Variants in CNTN5 observed in about 807,000 individuals in gnomAD.
CNTN5 encodes the protein contactin 5.
Under a neutral mutation model 129.1 loss-of-function variants are expected in CNTN5, and 77 were observed. The observed-to-expected ratio is 0.60, with a 90% CI of 0.50 to 0.72. The LOEUF is 0.72. CNTN5 is among the 30% of genes least tolerant of loss of function. CNTN5 has a pLI of 0.00. For synonymous variants in CNTN5, 509 were observed against 465.6 expected (o/e 1.09, Z -1.20); for missense variants, 1,478 against 1,328.8 (o/e 1.11, Z -1.75).
chr11:100,142,079 G>A (rs1946713289), intron 13 of CNTN5, among the ~76,000 whole-genome samples: 1 of 152,088 alleles, frequency 6.6e-6, no homozygotes, highest in African/African-American at 2.4e-5. Flanking sequence ...AGAACGCCAG[G>A]CTCTCTGGCC....
intron 2 of CNTN5, among the ~76,000 whole-genome samples, chr11:99,425,985 T>A (rs1943103061): frequency 6.6e-6 from 1 of 152,248 alleles, no homozygotes; most frequent in African/African-American, 2.4e-5. Flanking sequence ...CAATCTAACA[T>A]AATTATAATT....
intron 9 of CNTN5, among the ~76,000 whole-genome samples, chr11:100,016,877 T>C (rs541519108): frequency 1.3e-4 from 19 of 151,552 alleles, no homozygotes; most frequent in African/African-American, 4.6e-4. Flanking sequence ...CGGTCACTGG[T>C]TTTGTTGGTA....
chr11:100,053,824 G>A (rs909875401), intron 9 of CNTN5, among the ~76,000 whole-genome samples: 8 of 151,814 alleles, frequency 5.3e-5, no homozygotes, highest in South Asian at 2.1e-4. Flanking sequence ...GTCAGCAGGC[G>A]TCTGGATAAA....
Position 100,175,808 on chromosome 11 carries a change from G to A in CNTN5, c.1581-15318G>A, listed in dbSNP as rs191758320. Reference sequence around the variant, plus strand: ...TGAAACAAAGTTGGGAAGAAAAGTAGTATGATGTCTGACACATGAGGTGAT... The same window carrying A: ...TGAAACAAAGTTGGGAAGAAAAGTAATATGATGTCTGACACATGAGGTGAT... On this transcript the variant is annotated intron_variant, in intron 13 of 24. Transcript: ENST00000524871. Among the ~76,000 whole-genome samples the A allele has an allele frequency of 1.5e-3, 234 of 152,220 alleles. 2 individuals carry two copies. The highest frequency in any genetic ancestry group is 5.4e-3 in the African/African-American group (223 of 41,554).
intron 8 of CNTN5, among the ~76,000 whole-genome samples, chr11:99,981,935 T>C (rs1938375118): frequency 6.6e-6 from 1 of 152,152 alleles, no homozygotes; most frequent in African/African-American, 2.4e-5. Flanking sequence ...AGAAACAAAA[T>C]TGCAGTCATA....
At chr11:100,143,911 C>T (rs890243174) in intron 13 of CNTN5, among the ~76,000 whole-genome samples, 2 of 152,002 alleles carry the variant, frequency 1.3e-5, no homozygotes, top group African/African-American at 4.8e-5. Context: ...GTAAACAGTC[C>T]AAAGGTTTTT....
chr11:100,184,461 C>A (rs372014183), intron 13 of CNTN5, among the ~76,000 whole-genome samples: 1 of 152,094 alleles, frequency 6.6e-6, no homozygotes, highest in African/African-American at 2.4e-5. Context: ...CTGCTGAAAG[C>A]GGATGTATGC....
chr11:100,324,993 G>C (rs1207258514), intron 21 of CNTN5, among the ~76,000 whole-genome samples: 1 of 152,058 alleles, frequency 6.6e-6, no homozygotes, highest in Non-Finnish European at 1.5e-5. Context: ...TCAAAGTATT[G>C]ATTGTGAATA....
intron 21 of CNTN5, among the ~76,000 whole-genome samples, chr11:100,321,202 T>A (rs1265758575): frequency 2.0e-5 from 3 of 152,106 alleles, no homozygotes; most frequent in Admixed American, 2.0e-4. Context: ...TTTTTCCATT[T>A]ATTTATGTCT....
chr11:100,240,228 C>CCA (rs1949709540), intron 16 of CNTN5, among the ~76,000 whole-genome samples: 1 of 151,692 alleles, frequency 6.6e-6, no homozygotes, highest in African/African-American at 2.4e-5. Context: ...CACCCCGCCC[C>CCA]ACACCCCCCG....
At chr11:99,080,414 C>A (rs1468230569) in intron 1 of CNTN5, among the ~76,000 whole-genome samples, 1 of 152,108 alleles carries the variant, frequency 6.6e-6, no homozygotes, top group African/African-American at 2.4e-5. Flanking sequence ...CATCAAGTTC[C>A]CACGTTCGTT....
intron 1 of CNTN5, among the ~76,000 whole-genome samples, chr11:99,244,651 T>C (rs1467697588): frequency 6.6e-6 from 1 of 152,184 alleles, no homozygotes; most frequent in Non-Finnish European, 1.5e-5. Context: ...ATCCCCTGCA[T>C]GAGATCACCA....
At chr11:99,771,373 T>A (rs762798955) in intron 3 of CNTN5, among the ~76,000 whole-genome samples, 1 of 151,940 alleles carries the variant, frequency 6.6e-6, no homozygotes, top group Non-Finnish European at 1.5e-5. Context: ...TAAATACATA[T>A]ATGTACATAC....
intron 3 of CNTN5, among the ~76,000 whole-genome samples, chr11:99,633,030 T>C (rs75784031): frequency 0.011 from 1,686 of 152,202 alleles, 38 homozygotes; most frequent in African/African-American, 0.037. Flanking sequence ...TAGTTCACAA[T>C]TTTTAGGCAT....
chr11:99,804,298 T>C (rs1009671582), intron 3 of CNTN5, among the ~76,000 whole-genome samples: 3 of 152,136 alleles, frequency 2.0e-5, no homozygotes, highest in African/African-American at 7.2e-5. Flanking sequence ...CAAAATGTGT[T>C]TCCTAGATTA....
intron 13 of CNTN5, among the ~76,000 whole-genome samples, chr11:100,129,336 AT>A (rs1565268638): frequency 6.6e-6 from 1 of 152,104 alleles, no homozygotes; most frequent in Non-Finnish European, 1.5e-5. Context: ...TTCAAAGTAG[AT>A]TTGTCTTAAT....
intron 3 of CNTN5, among the ~76,000 whole-genome samples, chr11:99,677,809 G>A (rs937057960): frequency 1.3e-5 from 2 of 151,968 alleles, no homozygotes; most frequent in African/African-American, 4.8e-5. Context: ...ATTTTTATGT[G>A]TCTGTTGACT....
chr11:99,390,028 G>T (rs1191370516), intron 2 of CNTN5, among the ~76,000 whole-genome samples: 1 of 138,142 alleles, frequency 7.2e-6, no homozygotes, highest in Admixed American at 7.0e-5. Flanking sequence ...TAGTTCTAAT[G>T]CATAGCACAA....
intron 1 of CNTN5, among the ~76,000 whole-genome samples, chr11:99,233,516 G>A (rs1213497476): frequency 6.6e-6 from 1 of 152,116 alleles, no homozygotes; most frequent in African/African-American, 2.4e-5. Flanking sequence ...TTTATATATG[G>A]TGACGTTTCT....
Sources: allele counts gnomAD v4.1 joint callset (sites outside exome capture counted in the v4.1 genomes callset), GRCh38; gene constraint gnomAD v4.1.1; transcripts MANE v1.5; gene names NCBI Gene and HGNC (gene_info 2026-07-23, HGNC 2026-07-21).